CCSER2: variants seen among roughly 807,000 people sequenced by gnomAD.
The protein encoded by CCSER2 is coiled-coil serine rich protein 2.
A neutral mutation model predicts 92.3 loss-of-function variants in CCSER2; 46 were observed. The observed-to-expected ratio is 0.50, with a 90% CI of 0.39 to 0.64. The LOEUF is 0.64. Ranked by LOEUF, CCSER2 falls within the 30% of genes least tolerant of loss-of-function variation. CCSER2 has a pLI of 0.00. For synonymous variants in CCSER2, 433 were observed against 431.4 expected, an observed-to-expected ratio of 1.00 and a Z score of -0.04; for missense variants, 1,244 against 1,238.9, an observed-to-expected ratio of 1.00 and a Z score of -0.06.
intron 7 of CCSER2, among the ~76,000 whole-genome samples, chr10:84,466,144 C>T (rs552995339): frequency 6.6e-6 from 1 of 152,310 alleles, no homozygotes; most frequent in East Asian, 1.9e-4. Flanking sequence ...TGCAATAGGT[C>T]ATACTTGTCT....
intron 6 of CCSER2, among the ~76,000 whole-genome samples, chr10:84,454,259 C>T (rs560439007): frequency 6.6e-6 from 1 of 152,272 alleles, no homozygotes; most frequent in Non-Finnish European, 1.5e-5. Context: ...CCTTGTGTGT[C>T]TGTGGGTCCA....
intron 3 of CCSER2, among the ~76,000 whole-genome samples, chr10:84,393,448 CA>C (rs1219898126): frequency 3.9e-5 from 6 of 152,202 alleles, no homozygotes; most frequent in Non-Finnish European, 4.4e-5. Context: ...CCCCACTCAA[CA>C]TACTGCCTTC....
intron 1 of CCSER2, among the ~76,000 whole-genome samples, chr10:84,359,855 C>A (rs1388172283): frequency 6.6e-6 from 1 of 151,600 alleles, no homozygotes; most frequent in Non-Finnish European, 1.5e-5. Context: ...ACTCTGTTGT[C>A]CAGGCTGGAG....
chr10:84,343,668 T>G (rs540318682), intron 1 of CCSER2, among the ~76,000 whole-genome samples: 1 of 152,330 alleles, frequency 6.6e-6, no homozygotes, highest in African/African-American at 2.4e-5. Context: ...AAAAATTTAC[T>G]TAAGGCTTAA....
chr10:84,427,917 T>A (rs999455023), intron 5 of CCSER2, among the ~76,000 whole-genome samples: 2 of 152,028 alleles, frequency 1.3e-5, no homozygotes, highest in South Asian at 4.2e-4. Context: ...AGAGATGGGG[T>A]TTTTGTCCTC....
At chr10:84,477,383 T>G (rs1473369189) in intron 8 of CCSER2, among the ~76,000 whole-genome samples, 192 bp from the exon 9 acceptor site, 2 of 152,194 alleles carry the variant, frequency 1.3e-5, no homozygotes, top group Non-Finnish European at 2.9e-5. Flanking sequence ...GTGTGACTTT[T>G]TTGTTGATTT....
rs532158884 is a variant in CCSER2 at position 84,515,385 on chromosome 10, A to G, written c.*1118A>G. ...TCTTGAGAAAGCTGGAGTTCATAAT[A>G]TTCTCCCCCTCCCCCATCTCCAGTC... On this transcript the variant is annotated 3_prime_UTR_variant, in exon 10 of 10. Coordinates refer to ENST00000372088, the MANE Select transcript of CCSER2 (RefSeq NM_001284240.2). 6.6e-6 allele frequency: 1 copy of G among 152,382 alleles called. No individual in the cohort carries two copies. The highest frequency in any genetic ancestry group is 6.5e-5 in the Admixed American group (1 of 15,268). The allele number at this position is 152,382 out of a possible 1,614,324, so 9.4% of individuals were successfully genotyped here.
chr10:84,506,845 C>T (rs926330455), intron 9 of CCSER2, among the ~76,000 whole-genome samples: 7 of 147,104 alleles, frequency 4.8e-5, no homozygotes, highest in Non-Finnish European at 1.1e-4. Context: ...CTTATTTAAT[C>T]TTATAATATG....
chr10:84,467,573 A>G (rs888465921), intron 7 of CCSER2, among the ~76,000 whole-genome samples: 3 of 152,186 alleles, frequency 2.0e-5, no homozygotes, highest in African/African-American at 7.2e-5. Flanking sequence ...ATACCCCAAC[A>G]TACAGTACTT....
intron 1 of CCSER2, among the ~76,000 whole-genome samples, chr10:84,360,028 G>A (rs1845412443): frequency 6.6e-6 from 1 of 152,016 alleles, no homozygotes; most frequent in African/African-American, 2.4e-5. Flanking sequence ...TGGCCAGGCT[G>A]GTCTGGAACT....
At chr10:84,355,922 G>A (rs1279419072) in intron 1 of CCSER2, among the ~76,000 whole-genome samples, 2 of 152,100 alleles carry the variant, frequency 1.3e-5, no homozygotes, top group African/African-American at 4.8e-5. Context: ...GGCCAACATG[G>A]TGAAACCCTG....
intron 5 of CCSER2, among the ~76,000 whole-genome samples, chr10:84,431,239 C>A (rs1217895524): frequency 6.6e-6 from 1 of 152,172 alleles, no homozygotes; most frequent in Non-Finnish European, 1.5e-5. Context: ...CACTACCCTT[C>A]AAATTCTGTG....
rs868358204 is a variant in CCSER2, at chr10:84,348,764, A to G, written c.-40+19956A>G. On this transcript the variant is annotated intron_variant, in intron 1 of 9. Coordinates refer to ENST00000372088, the MANE Select transcript of CCSER2 (RefSeq NM_001284240.2). ...TGGGTTTTTTTGGTAATAATTTTATACTCAGAGAAATGTTGCAAGACCAAG... is the reference window on the plus strand; with the variant it reads ...TGGGTTTTTTTGGTAATAATTTTATGCTCAGAGAAATGTTGCAAGACCAAG... Among the ~76,000 whole-genome samples the G allele has an allele frequency of 6.6e-5, 10 of 152,256 alleles. No homozygotes were observed. In the South Asian group the frequency reaches 1.2e-3, roughly 19 times the overall value.
chr10:84,344,857 A>G (rs1844393748), intron 1 of CCSER2, among the ~76,000 whole-genome samples: 1 of 152,294 alleles, frequency 6.6e-6, no homozygotes, highest in African/African-American at 2.4e-5. Context: ...AGCTGCACGC[A>G]CTCACTAGCT....
intron 6 of CCSER2, among the ~76,000 whole-genome samples, chr10:84,462,017 A>G (rs1373347486): frequency 6.6e-6 from 1 of 152,180 alleles, no homozygotes; most frequent in Non-Finnish European, 1.5e-5. Context: ...CTCTGTTTTC[A>G]AAGCTTTTGC....
intron 9 of CCSER2, among the ~76,000 whole-genome samples, chr10:84,486,232 G>T (rs893741513): frequency 1.3e-5 from 2 of 152,210 alleles, no homozygotes; most frequent in African/African-American, 4.8e-5. Flanking sequence ...ATAGCAGCAT[G>T]ATTTATAATC....
At chr10:84,338,306 C>CA (rs76265260) in intron 1 of CCSER2, among the ~76,000 whole-genome samples, 13 of 146,710 alleles carry the variant, frequency 8.9e-5, no homozygotes, top group East Asian at 2.0e-4. Flanking sequence ...AAAAAAAAAA[C>CA]AAAAAAAAAC....
At chr10:84,428,092 G>C (rs1843537782) in intron 5 of CCSER2, among the ~76,000 whole-genome samples, 2 of 152,118 alleles carry the variant, frequency 1.3e-5, no homozygotes, top group Non-Finnish European at 2.9e-5. Context: ...CTGCAGTCCT[G>C]AGTGGCTGCA....
At chr10:84,345,504 A>G (rs1001450449) in intron 1 of CCSER2, among the ~76,000 whole-genome samples, 1 of 152,180 alleles carries the variant, frequency 6.6e-6, no homozygotes, top group African/African-American at 2.4e-5. Flanking sequence ...CTTTATGTAC[A>G]TTCTTGTTGA....
Sources: allele counts gnomAD v4.1 joint callset (sites outside exome capture counted in the v4.1 genomes callset), GRCh38; gene constraint gnomAD v4.1.1; transcripts MANE v1.5; gene names NCBI Gene and HGNC (gene_info 2026-07-23, HGNC 2026-07-21).